FNDC3B: variants seen among roughly 807,000 people sequenced by gnomAD.
FNDC3B encodes the protein fibronectin type III domain-containing protein 3B.
A neutral mutation model predicts 151.5 loss-of-function variants in FNDC3B; 12 were observed. The ratio of observed to expected loss-of-function variants is 0.08; its 90% CI spans 0.05 to 0.13. FNDC3B has a LOEUF of 0.13. Ranked by LOEUF, FNDC3B falls within the 10% of genes least tolerant of loss-of-function variation. FNDC3B has a pLI of 1.00. For missense variants in FNDC3B, 1,214 were observed against 1,505.3 expected (o/e 0.81, Z 3.20); for synonymous variants, 528 against 549.0 (o/e 0.96, Z 0.54).
intron 3 of FNDC3B, among the ~76,000 whole-genome samples, chr3:172,148,186 G>A (rs948737418): frequency 7.2e-5 from 11 of 151,938 alleles, no homozygotes; most frequent in African/African-American, 9.7e-5. Context: ...CAGAGATATC[G>A]TTAGGTTATT....
intron 3 of FNDC3B, among the ~76,000 whole-genome samples, chr3:172,147,267 A>G (rs138598177): frequency 6.7e-6 from 1 of 149,990 alleles, no homozygotes; most frequent in Non-Finnish European, 1.5e-5. Context: ...AGATTGCAAC[A>G]TTGTACTCGA....
At chr3:172,229,128 C>T (rs866315334) in intron 4 of FNDC3B, among the ~76,000 whole-genome samples, 3 of 102,168 alleles carry the variant, frequency 2.9e-5, no homozygotes, top group African/African-American at 9.8e-5. Context: ...CACACACACA[C>T]ACACACACAA....
intron 4 of FNDC3B, among the ~76,000 whole-genome samples, chr3:172,228,497 T>C (rs1252322692): frequency 6.6e-6 from 1 of 152,046 alleles, no homozygotes; most frequent in African/African-American, 2.4e-5. Flanking sequence ...ATTATTGCTG[T>C]GATTACATTA....
At chr3:172,363,921 G>A (rs1734483532) in intron 23 of FNDC3B, among the ~76,000 whole-genome samples, 1 of 152,210 alleles carries the variant, frequency 6.6e-6, no homozygotes, top group Non-Finnish European at 1.5e-5. Context: ...GGAGTTTGAA[G>A]GAGGCAGAGA....
At chr3:172,051,857 G>A (rs932609521) in intron 1 of FNDC3B, among the ~76,000 whole-genome samples, 1 of 152,064 alleles carries the variant, frequency 6.6e-6, no homozygotes, top group Non-Finnish European at 1.5e-5. Context: ...GAGAATACAT[G>A]ACTTTTTTCA....
intron 7 of FNDC3B, among the ~76,000 whole-genome samples, chr3:172,286,245 A>T (rs1730010561): frequency 6.6e-6 from 1 of 151,390 alleles, no homozygotes. Context: ...CTTTCCAAAG[A>T]TTCTTTTTTT....
At chr3:172,335,202 T>G in intron 15 of FNDC3B, 120 bp downstream of exon 15, 1 of 1,032,266 alleles carries the variant, frequency 9.7e-7, no homozygotes, top group East Asian at 2.6e-5. Context: ...TGCAGAAGTT[T>G]TCTGCATTCG....
chr3:172,364,569 G>A (rs1282337885), intron 23 of FNDC3B, among the ~76,000 whole-genome samples: 1 of 152,200 alleles, frequency 6.6e-6, no homozygotes, highest in Non-Finnish European at 1.5e-5. Flanking sequence ...TGGGGCAGCA[G>A]CCCACTAGTG....
At chr3:172,045,045 A>AAATTCT (rs1388861801) in intron 1 of FNDC3B, among the ~76,000 whole-genome samples, 1 of 152,240 alleles carries the variant, frequency 6.6e-6, no homozygotes. Context: ...ATGGTGTCAC[A>AAATTCT]AGGGATTAAT....
chr3:172,278,742 C>T (rs575274810), intron 6 of FNDC3B, among the ~76,000 whole-genome samples: 1 of 152,196 alleles, frequency 6.6e-6, no homozygotes, highest in South Asian at 2.1e-4. Flanking sequence ...GCCTGGCCAA[C>T]ATGGTGAAAC....
chr3:172,326,611 T>C (rs1732356488), intron 11 of FNDC3B, among the ~76,000 whole-genome samples: 1 of 152,154 alleles, frequency 6.6e-6, no homozygotes, highest in Admixed American at 6.5e-5. Context: ...TAGAATTTTT[T>C]TAAATGTTAG....
At chr3:172,212,690 ATCAGGTTTCTTCTCTTT>A (rs1256866218) in intron 3 of FNDC3B, among the ~76,000 whole-genome samples, 3 of 152,246 alleles carry the variant, frequency 2.0e-5, no homozygotes, top group African/African-American at 7.2e-5. Context: ...CACAGAAATT[ATCAGGTTTCTTCTCTTT>A]TACTTTGTAT....
At position 172,268,523 on chromosome 3, in the gene FNDC3B, C is replaced by T. The variant is rs16845249; in HGVS notation, c.790+16982C>T. On this transcript the variant is annotated intron_variant, in intron 6 of 25. Coordinates refer to ENST00000415807, the MANE Select transcript of FNDC3B (RefSeq NM_022763.4). ...CAAGATAATATGTGACAGAGAACGGCAGATACAAATACCATGACACTCTGT... is the reference window on the plus strand; with the variant it reads ...CAAGATAATATGTGACAGAGAACGGTAGATACAAATACCATGACACTCTGT... 8.3e-3 allele frequency among the ~76,000 whole-genome samples: 1,267 copies of T among 152,214 alleles called. 20 individuals are homozygous for T. Among genetic ancestry groups the T allele is most frequent in the African/African-American group, 0.028 (1,183 of 41,538 alleles).
chr3:172,098,742 G>A (rs756148165), intron 1 of FNDC3B, among the ~76,000 whole-genome samples: 4 of 152,118 alleles, frequency 2.6e-5, no homozygotes, highest in South Asian at 2.1e-4. Context: ...GGAAGAACTC[G>A]GGGGAATGGT....
intron 1 of FNDC3B, among the ~76,000 whole-genome samples, chr3:172,077,387 C>A (rs1313612285): frequency 1.3e-5 from 2 of 152,086 alleles, no homozygotes; most frequent in Admixed American, 6.6e-5. Context: ...GGGAAGGAAG[C>A]CTTAAACATG....
intron 6 of FNDC3B, among the ~76,000 whole-genome samples, chr3:172,283,430 T>C (rs1025131741): frequency 3.9e-5 from 6 of 152,352 alleles, no homozygotes; most frequent in South Asian, 2.1e-4. Context: ...GTCCTGAGGA[T>C]GTTTTATTTG....
rs929075451 is a variant in FNDC3B at position 172,118,567 on chromosome 3, A to G, written c.111+5977A>G. On this transcript the variant is annotated intron_variant, in intron 2 of 25. Transcript: ENST00000415807. Reference sequence around the variant, plus strand: ...GACAGTTAAAAAAGAGACTGCAGCTATTATTGCTAAATAACATTATAGAAG... The same window carrying G: ...GACAGTTAAAAAAGAGACTGCAGCTGTTATTGCTAAATAACATTATAGAAG... 3.3e-5 allele frequency among the ~76,000 whole-genome samples: 5 copies of G among 152,340 alleles called. No homozygotes were observed. In the East Asian group the frequency reaches 9.6e-4, roughly 29 times the overall value.
At chr3:172,257,377 G>T (rs887132616) in intron 6 of FNDC3B, among the ~76,000 whole-genome samples, 2 of 152,036 alleles carry the variant, frequency 1.3e-5, no homozygotes, top group Non-Finnish European at 2.9e-5. Context: ...CGGCGTTCTG[G>T]ACTGTGTGAC....
chr3:172,254,817 T>C (rs1305745682), intron 6 of FNDC3B, among the ~76,000 whole-genome samples: 2 of 152,174 alleles, frequency 1.3e-5, no homozygotes, highest in Non-Finnish European at 2.9e-5. Context: ...CCGAGAACAG[T>C]TGGGGCTTTA....
Sources: gnomAD v4.1 joint callset for allele counts (sites outside exome capture counted in the v4.1 genomes callset) on GRCh38, gnomAD v4.1.1 for gene constraint, MANE v1.5 for transcripts, NCBI Gene and HGNC (gene_info 2026-07-23, HGNC 2026-07-21) for gene names.